The following CABIN1 variants were observed in gnomAD, a reference collection of about 807,000 sequenced individuals.
CABIN1 encodes the protein calcineurin binding protein 1.
A neutral mutation model predicts 227.7 loss-of-function variants in CABIN1; 133 were observed. The ratio of observed to expected loss-of-function variants is 0.58; its 90% CI spans 0.51 to 0.67. The LOEUF (loss-of-function observed/expected upper bound fraction) is 0.67, where lower values mean the gene tolerates loss of function less well. Ranked by LOEUF, CABIN1 falls within the 30% of genes least tolerant of loss-of-function variation. The pLI, the probability that CABIN1 is intolerant of heterozygous loss-of-function variation, is 0.00. For missense variants in CABIN1, 2,408 were observed against 2,852.5 expected (o/e 0.84, Z 3.55); for synonymous variants, 1,086 against 1,155.1 (o/e 0.94, Z 1.21).
rs971533504 is a variant in CABIN1 at position 24,156,170 on chromosome 22, G to C, written c.4747-8230G>C. The stretch of plus-strand genomic sequence containing the variant: ...CCGCTTCGCCTCCGCTGCCCGTCTG[G>C]GTCTCCACTTTGCTGGCGCTTTTGC... On this transcript the variant is annotated intron_variant, in intron 29 of 36. Transcript: ENST00000263119. 3.8e-5 allele frequency: 15 copies of C among 392,532 alleles called. No homozygotes were observed. The Admixed American group carries it at 5.8e-4, about 15-fold the overall frequency. 24.3% of individuals were successfully genotyped at this position (392,532 alleles called of 1,614,324 possible).
At position 24,064,054 on chromosome 22, in the gene CABIN1, T is replaced by C. The variant is rs2039402768; in HGVS notation, c.1904T>C (p.Leu635Pro). The change falls in exon 15 of 37, where the codon CTG becomes CCG. Residue 635 changes from leucine to proline, a missense_variant. Leu to Pro is a moderately conservative substitution (Grantham distance 98). Coordinates refer to ENST00000263119, the MANE Select transcript of CABIN1 (RefSeq NM_012295.4). The part of the protein sequence containing the change: ...LALQGDMEQA[L>P]ENYDICTEML... ...AACCAGGGAGACATGGAGCAGGCCC[T>C]GGAGAACTATGACATCTGCACAGAA... The C allele has an allele frequency of 6.2e-7, 1 of 1,614,188 alleles. No individual in the cohort carries two copies. The highest frequency in any genetic ancestry group is 8.5e-7 in the Non-Finnish European group (1 of 1,180,034).
intron 15 of CABIN1, among the ~76,000 whole-genome samples, chr22:24,066,459 C>A (rs1031784061): frequency 6.6e-6 from 1 of 152,182 alleles, no homozygotes; most frequent in African/African-American, 2.4e-5. Context: ...AGCTCCAGAC[C>A]CTGCTGCAGT....
intron 29 of CABIN1, among the ~76,000 whole-genome samples, chr22:24,136,997 T>G (rs1337619767): frequency 1.3e-5 from 2 of 152,188 alleles, no homozygotes; most frequent in Non-Finnish European, 2.9e-5. Context: ...GACAAGTTGC[T>G]TAATTTCCCT....
chr22:24,176,679 G>A (rs747008000), intron 35 of CABIN1, among the ~76,000 whole-genome samples: 1 of 152,198 alleles, frequency 6.6e-6, no homozygotes, highest in Non-Finnish European at 1.5e-5. Flanking sequence ...TCAGCAGCAG[G>A]CAGAAGGGTG....
At chr22:24,018,827 G>A (rs2035490261) in intron 1 of CABIN1, among the ~76,000 whole-genome samples, 1 of 151,968 alleles carries the variant, frequency 6.6e-6, no homozygotes, top group Non-Finnish European at 1.5e-5. Context: ...TATTGGGATT[G>A]CATTGAATGT....
chr22:24,011,525 C>G (rs1467867871), intron 1 of CABIN1, 158 bp downstream of exon 1: 1 of 152,260 alleles, frequency 6.6e-6, no homozygotes, highest in Non-Finnish European at 1.5e-5. Flanking sequence ...TCAGGGAAAC[C>G]GAGGCCGGGC....
At chr22:24,063,879 C>T (rs1172802873) in intron 14 of CABIN1, among the ~76,000 whole-genome samples, 156 bp from the exon 15 acceptor site, 2 of 152,178 alleles carry the variant, frequency 1.3e-5, no homozygotes, top group African/African-American at 4.8e-5. Flanking sequence ...TGAGCCCAAG[C>T]TACATGCCAG....
Position 24,178,280 on chromosome 22 carries a change from G to A in CABIN1, c.*84G>A. ...CTGGGCAGGACCCTGGGCAGGACCA[G>A]AGGCCCACATGGATGCCACTCCCCA... On this transcript the variant is annotated 3_prime_UTR_variant, in exon 37 of 37. Transcript: ENST00000263119. 6.4e-7 allele frequency: 1 copy of A among 1,557,468 alleles called. No homozygotes were observed. The highest frequency in any genetic ancestry group is 8.7e-7 in the Non-Finnish European group (1 of 1,143,120).
intron 26 of CABIN1, among the ~76,000 whole-genome samples, chr22:24,111,624 A>G (rs1247884077): frequency 6.6e-6 from 1 of 152,248 alleles, no homozygotes; most frequent in Non-Finnish European, 1.5e-5. Context: ...ATTTAACACA[A>G]AGCCTATTTT....
chr22:24,039,483 T>C (rs1313025398), intron 4 of CABIN1, among the ~76,000 whole-genome samples: 2 of 152,226 alleles, frequency 1.3e-5, no homozygotes, highest in African/African-American at 4.8e-5. Context: ...ATGGGACTTG[T>C]GACCTCCTCC....
At chr22:24,099,975 T>C (rs572502739) in intron 26 of CABIN1, among the ~76,000 whole-genome samples, 2 of 152,318 alleles carry the variant, frequency 1.3e-5, no homozygotes, top group East Asian at 1.9e-4. Context: ...TTGGCACATA[T>C]GTGTGCATGA....
chr22:24,062,040 G>A lies in CABIN1; in HGVS notation c.1696+15G>A. 1.9e-6 allele frequency: 3 copies of A among 1,605,454 alleles called. No homozygotes were observed. The highest frequency in any genetic ancestry group is 1.3e-5 in the African/African-American group (1 of 74,914). On this transcript the variant is annotated intron_variant, in intron 13 of 36. Coordinates refer to ENST00000263119, the MANE Select transcript of CABIN1 (RefSeq NM_012295.4). Reference sequence around the variant, plus strand: ...AAGCTCTGCAGGTAGGAGGCATTATGTGTTCTGTGGCCAGGCTAATATCTG... The same window carrying A: ...AAGCTCTGCAGGTAGGAGGCATTATATGTTCTGTGGCCAGGCTAATATCTG...
At chr22:24,033,888 T>G (rs2036675853) in intron 1 of CABIN1, among the ~76,000 whole-genome samples, 1 of 152,188 alleles carries the variant, frequency 6.6e-6, no homozygotes, top group Non-Finnish European at 1.5e-5. Context: ...AAAGAAACCC[T>G]AAACCCCTTG....
At chr22:24,071,152 G>C (rs549561824) in intron 17 of CABIN1, 110 bp downstream of exon 17, 1 of 1,446,512 alleles carries the variant, frequency 6.9e-7, no homozygotes, top group African/African-American at 1.4e-5. Context: ...ACCCAAAGGG[G>C]ACATGATGGC....
chr22:24,047,887 G>T (rs985640338), intron 6 of CABIN1, among the ~76,000 whole-genome samples: 2 of 152,256 alleles, frequency 1.3e-5, no homozygotes, highest in Non-Finnish European at 2.9e-5. Context: ...AGGCAGAGCT[G>T]GCACCCTGCT....
intron 29 of CABIN1, among the ~76,000 whole-genome samples, chr22:24,146,212 T>C (rs1186080353): frequency 6.6e-6 from 1 of 152,246 alleles, no homozygotes; most frequent in African/African-American, 2.4e-5. Flanking sequence ...ATTTTTAGCA[T>C]TGCTGAGATG....
intron 24 of CABIN1, among the ~76,000 whole-genome samples, chr22:24,094,224 G>T (rs904826937): frequency 1.3e-5 from 2 of 152,208 alleles, no homozygotes; most frequent in African/African-American, 4.8e-5. Context: ...GAACCTACGT[G>T]TGGCCCTCAG....
chr22:24,055,024 A>G lies in CABIN1; in HGVS notation c.958A>G (p.Asn320Asp). The G allele has an allele frequency of 6.2e-7, 1 of 1,614,228 alleles. No homozygotes were observed. The highest frequency in any genetic ancestry group is 1.1e-5 in the South Asian group (1 of 91,084). ...LESSMVVTPV[N>D]VIQPSTVSTN... ...GTCCTCCATGGTGGTGACGCCAGTT[A>G]ACGTGATCCAGCCAAGCACTGTCAG... The change falls in exon 9 of 37, where the codon AAC becomes GAC. Residue 320 changes from asparagine to aspartate, a missense_variant. Coordinates refer to ENST00000263119, the MANE Select transcript of CABIN1 (RefSeq NM_012295.4).
At chr22:24,052,876 G>A (rs191181952) in intron 8 of CABIN1, among the ~76,000 whole-genome samples, 9 of 151,828 alleles carry the variant, frequency 5.9e-5, no homozygotes, top group African/African-American at 2.2e-4. Flanking sequence ...GTAGGCATGA[G>A]CAAGAGCAAG....
Sources: gnomAD v4.1 joint callset for allele counts (sites outside exome capture counted in the v4.1 genomes callset) on GRCh38, gnomAD v4.1.1 for gene constraint, MANE v1.5 for transcripts, NCBI Gene and HGNC (gene_info 2026-07-23, HGNC 2026-07-21) for gene names.